Variants in LIPA observed in about 807,000 individuals in gnomAD.
LIPA encodes lysosomal acid lipase/cholesteryl ester hydrolase.
Under a neutral mutation model 40.6 loss-of-function variants are expected in LIPA, and 26 were observed. That is an observed-to-expected ratio of 0.64 (90% CI 0.47 to 0.89). The LOEUF is 0.89. Among genes scored for constraint, LIPA ranks in the 40% least tolerant of loss-of-function variants. The pLI, the probability that LIPA is intolerant of heterozygous loss-of-function variation, is 0.00. For missense variants in LIPA, 455 were observed against 479.6 expected (o/e 0.95, Z 0.48); for synonymous variants, 188 against 168.4 (o/e 1.12, Z -0.90).
At chr10:89,229,965 T>C (rs1842821048) in intron 3 of LIPA, among the ~76,000 whole-genome samples, 1 of 152,158 alleles carries the variant, frequency 6.6e-6, no homozygotes, top group Admixed American at 6.5e-5. Flanking sequence ...TAAAAATTTT[T>C]AAAGCTGAAT....
rs967490372 is a variant in LIPA, at chr10:89,401,827, A to G, written c.61+10964T>C. 2.0e-5 allele frequency among the ~76,000 whole-genome samples: 3 copies of G among 151,416 alleles called. No homozygotes were observed. In the South Asian group the frequency reaches 6.2e-4, roughly 31 times the overall value. ...ACCCGGGTCAAATATTATCTGTTTC[A>G]TGTGGTCTTAATTTGTTGCATTACA... On this transcript the variant is annotated intron_variant, in intron 2 of 8. Transcript: ENST00000371837.
At chr10:89,351,579 A>T (rs1843958917) in intron 2 of LIPA, among the ~76,000 whole-genome samples, 2 of 152,168 alleles carry the variant, frequency 1.3e-5, no homozygotes. Context: ...CCACCTAACA[A>T]CAGGCAGCCA....
chr10:89,312,546 T>A (rs942129767), intron 1 of LIPA, among the ~76,000 whole-genome samples: 2 of 152,086 alleles, frequency 1.3e-5, no homozygotes, highest in Non-Finnish European at 2.9e-5. Context: ...TTCAAGTCAA[T>A]ATCCATTACC....
At chr10:89,364,778 AG>A (rs1323935544) in intron 2 of LIPA, among the ~76,000 whole-genome samples, 1 of 152,056 alleles carries the variant, frequency 6.6e-6, no homozygotes, top group African/African-American at 2.4e-5. Context: ...AAGTAGTGCT[AG>A]GTAGTGTGTA....
rs1554880750 is a variant in LIPA, at chr10:89,394,596, A to ATATTT, written c.61+18194_61+18195insAAATA. Among the ~76,000 whole-genome samples, 137 of 15,486 alleles carry ATATTT rather than the reference A, an allele frequency of 8.8e-3. 1 individual carries two copies. The highest frequency in any genetic ancestry group is 0.062 in the East Asian group (28 of 450). The allele number at this position is 15,486 out of a possible 152,430, so 10.2% of individuals were successfully genotyped here. On this transcript the variant is annotated intron_variant, in intron 2 of 8. Coordinates refer to the LIPA transcript ENST00000371837. The stretch of plus-strand genomic sequence containing the variant: ...CAGGAAAATATATATATATATATAT[A>ATATTT]TATATATATATATATATATATATAT...
At chr10:89,323,209 A>C (rs1843580971) in intron 1 of LIPA, among the ~76,000 whole-genome samples, 1 of 152,222 alleles carries the variant, frequency 6.6e-6, no homozygotes, top group Admixed American at 6.5e-5. Context: ...ATCTCAATAG[A>C]TACAGAAAAG....
intron 1 of LIPA, chr10:89,302,043 G>T: frequency 1.3e-6 from 2 of 1,533,178 alleles, no homozygotes; most frequent in Non-Finnish European, 1.8e-6. Flanking sequence ...AGCATTTATT[G>T]GTGGCAGAAG....
chr10:89,304,994 CA>C (rs199712421), intron 1 of LIPA, among the ~76,000 whole-genome samples: 95 of 123,596 alleles, frequency 7.7e-4, no homozygotes, highest in African/African-American at 2.4e-3. Context: ...AATAAAATTT[CA>C]AAAAAAAAAT....
Position 89,306,590 on chromosome 10 carries a change from A to C in LIPA, c.-2+36021T>G, listed in dbSNP as rs746342657. The C allele has an allele frequency of 5.0e-6, 8 of 1,613,952 alleles. No homozygotes were observed. The highest frequency in any genetic ancestry group is 6.8e-6 in the Non-Finnish European group (8 of 1,179,980). On this transcript the variant is annotated intron_variant, in intron 1 of 5. Transcript: ENST00000282673. ...GCTGAATCCTGACAACCAGTACCTT[A>C]AAGTCCTCCTGGCTCTGAAGCTTCA...
chr10:89,220,321 G>C (rs1842681822), intron 8 of LIPA, among the ~76,000 whole-genome samples: 1 of 152,114 alleles, frequency 6.6e-6, no homozygotes. Flanking sequence ...CATCTCTGGG[G>C]GTGCAATAAC....
intron 1 of LIPA, among the ~76,000 whole-genome samples, chr10:89,289,751 G>T (rs187897672): frequency 6.6e-6 from 1 of 152,100 alleles, no homozygotes; most frequent in Non-Finnish European, 1.5e-5. Flanking sequence ...AAGATCTTTG[G>T]TGACAAAGTA....
chr10:89,231,460 A>G (rs1407268556), intron 3 of LIPA, among the ~76,000 whole-genome samples: 1 of 147,612 alleles, frequency 6.8e-6, no homozygotes, highest in Non-Finnish European at 1.5e-5. Flanking sequence ...GGCCAAGAGT[A>G]TAAAATGATT....
chr10:89,236,473 T>C (rs1369016684), intron 3 of LIPA, among the ~76,000 whole-genome samples: 1 of 152,232 alleles, frequency 6.6e-6, no homozygotes, highest in African/African-American at 2.4e-5. Context: ...TAGCACGATA[T>C]CATAAACCTT....
chr10:89,352,296 G>A (rs577071843), intron 2 of LIPA, among the ~76,000 whole-genome samples: 35 of 152,198 alleles, frequency 2.3e-4, no homozygotes, highest in Admixed American at 7.9e-4. Context: ...AGGGCAGTGC[G>A]GGTTTTCATG....
chr10:89,265,845 T>C (rs968369623), intron 1 of LIPA, among the ~76,000 whole-genome samples: 1 of 152,252 alleles, frequency 6.6e-6, no homozygotes, highest in African/African-American at 2.4e-5. Flanking sequence ...AAGAAGATGC[T>C]ATGTTATTAT....
At chr10:89,243,176 T>C (rs564346648) in intron 3 of LIPA, among the ~76,000 whole-genome samples, 2 of 152,304 alleles carry the variant, frequency 1.3e-5, no homozygotes, top group East Asian at 3.9e-4. Context: ...ACACCGGAAA[T>C]AACACCAGTG....
In LIPA at chr10:89,222,566, T is replaced by C; in HGVS notation, c.839A>G (p.Tyr280Cys). The C allele has an allele frequency of 6.2e-7, 1 of 1,601,456 alleles. No homozygotes were observed. Residue 280 changes from tyrosine to cysteine, a missense_variant, in exon 8 of 10, where the codon TAT becomes TGT. Coordinates refer to ENST00000336233, the MANE Select transcript of LIPA (RefSeq NM_000235.4). Reference sequence around the variant, plus strand: ...AGTTCCAGCAGGAGAATGTGTTGTATATACATCCACTCTAGACTGCAAAAT... The same window carrying C: ...AGTTCCAGCAGGAGAATGTGTTGTACATACATCCACTCTAGACTGCAAAAT... ...RNLNMSRVDVYTTHSPAGTSV... is the reference protein window; with the variant it reads ...RNLNMSRVDVCTTHSPAGTSV...
chr10:89,390,831 A>G (rs1466911683), intron 2 of LIPA, among the ~76,000 whole-genome samples: 1 of 152,238 alleles, frequency 6.6e-6, no homozygotes, highest in Admixed American at 6.5e-5. Context: ...GCATTGGCAA[A>G]TTGAAAACCC....
At chr10:89,354,903 C>G (rs540470065) in intron 2 of LIPA, among the ~76,000 whole-genome samples, 97 of 152,182 alleles carry the variant, frequency 6.4e-4, no homozygotes, top group Non-Finnish European at 1.3e-3. Context: ...GGTGGCTAGG[C>G]TTGCTGCTGA....
Sources: gnomAD v4.1 joint callset for allele counts (sites outside exome capture counted in the v4.1 genomes callset) on GRCh38, gnomAD v4.1.1 for gene constraint, MANE v1.5 for transcripts, NCBI Gene and HGNC (gene_info 2026-07-23, HGNC 2026-07-21) for gene names.